The following FAM174A variants were observed in gnomAD, a reference collection of about 807,000 sequenced individuals.
FAM174A encodes membrane protein FAM174A.
FAM174A carries 14 observed loss-of-function variants against 14.3 expected under a neutral mutation model. That is an observed-to-expected ratio of 0.98 (90% confidence interval 0.65 to 1.53). The LOEUF is 1.53. Ranked by LOEUF, FAM174A falls within the 40% of genes most tolerant of loss-of-function variation. The pLI, the probability that FAM174A is intolerant of heterozygous loss-of-function variation, is 0.00. For synonymous variants in FAM174A, 108 were observed against 111.4 expected, an observed-to-expected ratio of 0.97 and a Z score of 0.19; for missense variants, 241 against 249.6, an observed-to-expected ratio of 0.97 and a Z score of 0.23.
intron 1 of FAM174A, among the ~76,000 whole-genome samples, chr5:100,556,872 A>G (rs894809820): frequency 5.3e-5 from 8 of 152,162 alleles, no homozygotes; most frequent in South Asian, 2.1e-4. Context: ...TAGATATACA[A>G]TCATGTCATC....
At chr5:100,556,606 CTT>C (rs1473382461) in intron 1 of FAM174A, among the ~76,000 whole-genome samples, 1 of 152,140 alleles carries the variant, frequency 6.6e-6, no homozygotes, top group Non-Finnish European at 1.5e-5. Flanking sequence ...TTTGTATCCT[CTT>C]TTATTTCATT....
intron 2 of FAM174A, among the ~76,000 whole-genome samples, chr5:100,583,204 G>A (rs1373004650): frequency 6.6e-6 from 1 of 152,146 alleles, no homozygotes; most frequent in Non-Finnish European, 1.5e-5. Context: ...GAAGGAGGAA[G>A]GAGGGGCCGA....
At chr5:100,541,791 C>A (rs954671260) in intron 1 of FAM174A, among the ~76,000 whole-genome samples, 2 of 152,098 alleles carry the variant, frequency 1.3e-5, no homozygotes, top group African/African-American at 4.8e-5. Flanking sequence ...ATTACTCATG[C>A]AGAAGATGGT....
intron 1 of FAM174A, among the ~76,000 whole-genome samples, chr5:100,548,104 C>A (rs1746197113): frequency 6.6e-6 from 1 of 152,084 alleles, no homozygotes; most frequent in African/African-American, 2.4e-5. Context: ...GAGACATCCC[C>A]TTCTATCTCA....
At chr5:100,557,303 A>G (rs1266361187) in intron 1 of FAM174A, among the ~76,000 whole-genome samples, 2 of 152,046 alleles carry the variant, frequency 1.3e-5, no homozygotes, top group East Asian at 3.9e-4. Flanking sequence ...ATCTTGGTGG[A>G]TAAGCTTTTT....
chr5:100,543,591 G>T (rs576045572), intron 1 of FAM174A, among the ~76,000 whole-genome samples: 1 of 152,074 alleles, frequency 6.6e-6, no homozygotes, highest in East Asian at 1.9e-4. Context: ...TCCTTAATCA[G>T]ATTTTTTGGT....
chr5:100,570,871 C>T (rs1294207574), intron 2 of FAM174A, among the ~76,000 whole-genome samples: 1 of 151,816 alleles, frequency 6.6e-6, no homozygotes, highest in African/African-American at 2.4e-5. Context: ...CTTACTATTT[C>T]TAGATTGCTA....
chr5:100,570,540 TAA>T (rs1746758685), intron 2 of FAM174A, among the ~76,000 whole-genome samples: 1 of 151,944 alleles, frequency 6.6e-6, no homozygotes, highest in African/African-American at 2.4e-5. Flanking sequence ...TGTGGAGATA[TAA>T]GATCTCTTTA....
At chr5:100,578,811 G>A (rs1034632491) in intron 2 of FAM174A, among the ~76,000 whole-genome samples, 4 of 151,794 alleles carry the variant, frequency 2.6e-5, no homozygotes, top group African/African-American at 9.7e-5. Context: ...ATAGCCCAAT[G>A]TGTTGCATAC....
rs997199078 is a variant in FAM174A, at chr5:100,535,374, A to T, written c.-157A>T. 5 of 741,202 alleles carry T rather than the reference A, an allele frequency of 6.7e-6. No individual in the cohort carries two copies. The African/African-American group carries it at 7.1e-5, about 11-fold the overall frequency. The allele number at this position is 741,202 out of a possible 1,614,324, so 45.9% of individuals were successfully genotyped here. ...TGTACGAACTTCCGGTTCTCCGGGC[A>T]GCTGCCACTGCTGTAGCTTCTGCCA... On this transcript the variant is annotated 5_prime_UTR_variant, in exon 1 of 3. Coordinates refer to ENST00000312637, the MANE Select transcript of FAM174A (RefSeq NM_198507.3).
At chr5:100,537,437 GT>G (rs1745963525) in intron 1 of FAM174A, among the ~76,000 whole-genome samples, 1 of 152,028 alleles carries the variant, frequency 6.6e-6, no homozygotes, top group African/African-American at 2.4e-5. Flanking sequence ...TTTTAAATCA[GT>G]TGATAAGTAT....
chr5:100,543,169 A>C (rs1746095974), intron 1 of FAM174A, among the ~76,000 whole-genome samples: 1 of 152,168 alleles, frequency 6.6e-6, no homozygotes, highest in Non-Finnish European at 1.5e-5. Flanking sequence ...TTATTTATTT[A>C]GAGACAAGGT....
chr5:100,559,597 G>C (rs1478803708), intron 1 of FAM174A, among the ~76,000 whole-genome samples: 1 of 152,118 alleles, frequency 6.6e-6, no homozygotes, highest in Non-Finnish European at 1.5e-5. Context: ...ATCAGACGTA[G>C]AGTTGGTCTT....
intron 2 of FAM174A, among the ~76,000 whole-genome samples, chr5:100,566,170 A>ATG (rs1554047553): frequency 2.1e-5 from 3 of 143,192 alleles, no homozygotes; most frequent in African/African-American, 5.1e-5. Flanking sequence ...ATATATATAT[A>ATG]TGTACATATA....
At chr5:100,555,197 C>T (rs192327473) in intron 1 of FAM174A, among the ~76,000 whole-genome samples, 11,101 of 151,508 alleles carry the variant, frequency 0.073, 588 homozygotes, top group African/African-American at 0.14. Flanking sequence ...TTTGTCCTTG[C>T]GACAGTTTGC....
intron 1 of FAM174A, among the ~76,000 whole-genome samples, chr5:100,543,057 G>A (rs1401435511): frequency 6.6e-6 from 1 of 151,992 alleles, no homozygotes; most frequent in Admixed American, 6.6e-5. Context: ...TCACACTACT[G>A]CACTCCACCT....
In FAM174A at chr5:100,586,336, C is replaced by G. The variant is rs1037752738; in HGVS notation, c.*152C>G. 1 of 464,974 alleles carries G rather than the reference C, an allele frequency of 2.2e-6. No individual in the cohort carries two copies. Among genetic ancestry groups the G allele is most frequent in the Non-Finnish European group, 4.0e-6 (1 of 253,072 alleles). 28.8% of individuals were successfully genotyped at this position (464,974 alleles called of 1,614,324 possible). ...TTTAATTTGCTGTTGCAATAAATAC[C>G]GTATCCTTTTATTATATCTTTATAT... On this transcript the variant is annotated 3_prime_UTR_variant, in exon 3 of 3. Transcript: ENST00000312637.
At chr5:100,555,754 A>T (rs972169074) in intron 1 of FAM174A, among the ~76,000 whole-genome samples, 1 of 151,654 alleles carries the variant, frequency 6.6e-6, no homozygotes, top group Non-Finnish European at 1.5e-5. Flanking sequence ...TGTTCATATC[A>T]TTTGCCCAGT....
At chr5:100,541,438 CTG>C (rs1746050504) in intron 1 of FAM174A, among the ~76,000 whole-genome samples, 1 of 152,020 alleles carries the variant, frequency 6.6e-6, no homozygotes, top group Non-Finnish European at 1.5e-5. Flanking sequence ...TGCCCTGTAA[CTG>C]AATCTATTTT....
Sources: allele counts gnomAD v4.1 joint callset (sites outside exome capture counted in the v4.1 genomes callset), GRCh38; gene constraint gnomAD v4.1.1; transcripts MANE v1.5; gene names NCBI Gene and HGNC (gene_info 2026-07-23, HGNC 2026-07-21).